The following SGCD variants were observed in gnomAD, a reference collection of about 807,000 sequenced individuals.
SGCD encodes the protein delta-sarcoglycan.
Under a neutral mutation model 36.6 loss-of-function variants are expected in SGCD, and 18 were observed. The ratio of observed to expected loss-of-function variants is 0.49; its 90% confidence interval spans 0.34 to 0.73. The LOEUF is 0.73. Among genes scored for constraint, SGCD ranks in the 30% least tolerant of loss-of-function variants. The pLI, the probability that SGCD is intolerant of heterozygous loss-of-function variation, is 0.01. For missense variants in SGCD, 387 were observed against 346.7 expected, an observed-to-expected ratio of 1.12 and a Z score of -0.92; for synonymous variants, 133 against 130.6, an observed-to-expected ratio of 1.02 and a Z score of -0.12.
chr5:155,960,347 C>G (rs1202371473), intron 1 of SGCD, among the ~76,000 whole-genome samples: 2 of 152,082 alleles, frequency 1.3e-5, no homozygotes, highest in African/African-American at 4.8e-5. Flanking sequence ...ATCTGGGTTG[C>G]TCACCCACAT....
At chr5:156,450,967 GT>G (rs1753983132) in intron 3 of SGCD, among the ~76,000 whole-genome samples, 1 of 152,028 alleles carries the variant, frequency 6.6e-6, no homozygotes, top group Non-Finnish European at 1.5e-5. Flanking sequence ...TGAAAGAAGG[GT>G]TTTATTTTCT....
chr5:155,777,630 A>G, the SGCD span, among the ~76,000 whole-genome samples: 6 of 152,222 alleles, frequency 3.9e-5, no homozygotes, highest in South Asian at 1.2e-3. Context: ...TGCTGGGATT[A>G]CAGTTGGGAG....
At chr5:156,187,237 TG>T (rs1237848362) in intron 3 of SGCD, among the ~76,000 whole-genome samples, 2 of 152,056 alleles carry the variant, frequency 1.3e-5, no homozygotes, top group Non-Finnish European at 2.9e-5. Flanking sequence ...GATGGCTTCA[TG>T]GAGGGCATGG....
chr5:156,249,298 T>C (rs1408675967), intron 3 of SGCD, among the ~76,000 whole-genome samples: 1 of 152,052 alleles, frequency 6.6e-6, no homozygotes, highest in East Asian at 1.9e-4. Flanking sequence ...AGTGAGATAT[T>C]ATGGAAGCTG....
chr5:156,651,292 C>T (rs139167501), intron 7 of SGCD, among the ~76,000 whole-genome samples: 38 of 152,108 alleles, frequency 2.5e-4, no homozygotes, highest in Middle Eastern at 6.8e-3. Context: ...TGTGCAGAAC[C>T]TCTTTAGTTT....
the SGCD span, among the ~76,000 whole-genome samples, chr5:155,769,497 A>T: frequency 2.0e-5 from 3 of 151,750 alleles, no homozygotes; most frequent in African/African-American, 7.3e-5. Flanking sequence ...ATGCCAGAGG[A>T]TACAAGTTCA....
chr5:156,392,325 T>C (rs547826184), intron 3 of SGCD, among the ~76,000 whole-genome samples: 1 of 152,308 alleles, frequency 6.6e-6, no homozygotes, highest in African/African-American at 2.4e-5. Flanking sequence ...ACTGAATACA[T>C]GTGGCAAAAG....
At chr5:155,817,392 T>G in the SGCD span, among the ~76,000 whole-genome samples, 1 of 151,680 alleles carries the variant, frequency 6.6e-6, no homozygotes, top group African/African-American at 2.4e-5. Flanking sequence ...GCAAGGTATC[T>G]AGGAGCCGCT....
At chr5:156,244,690 G>T (rs1430176104) in intron 3 of SGCD, among the ~76,000 whole-genome samples, 1 of 152,180 alleles carries the variant, frequency 6.6e-6, no homozygotes, top group Admixed American at 6.5e-5. Context: ...AGAATCACTT[G>T]GGAAGATTTT....
In SGCD at chr5:156,416,634, T is replaced by C. The variant is rs569234984; in HGVS notation, c.192+71957T>C. ...CCACTGTATGACAAGTCCTGTGTTA[T>C]ATGTTGGGGATGAGTCACTAACTTG... On this transcript the variant is annotated intron_variant, in intron 3 of 8. Coordinates refer to ENST00000337851, the MANE Select transcript of SGCD (RefSeq NM_000337.6). 3.9e-5 allele frequency among the ~76,000 whole-genome samples: 6 copies of C among 152,340 alleles called. No individual in the cohort carries two copies. The South Asian group carries it at 1.2e-3, about 32-fold the overall frequency.
chr5:155,892,873 C>G (rs1756168855), intron 1 of SGCD, among the ~76,000 whole-genome samples: 2 of 152,142 alleles, frequency 1.3e-5, no homozygotes, highest in Non-Finnish European at 2.9e-5. Context: ...GACAAATACG[C>G]ATGATCTCAC....
At chr5:156,111,634 C>CATATGGAGG (rs1761787891) in intron 1 of SGCD, among the ~76,000 whole-genome samples, 2 of 151,346 alleles carry the variant, frequency 1.3e-5, no homozygotes, top group Admixed American at 6.6e-5. Flanking sequence ...TATGAGAGGC[C>CATATGGAGG]CTGATGTGTA....
At chr5:156,750,736 T>G (rs1757121397) in intron 7 of SGCD, among the ~76,000 whole-genome samples, 1 of 151,990 alleles carries the variant, frequency 6.6e-6, no homozygotes, top group African/African-American at 2.4e-5. Context: ...TACAGATAGA[T>G]TATGAAAAAC....
intron 7 of SGCD, among the ~76,000 whole-genome samples, chr5:156,718,805 CA>C (rs34120629): frequency 0.053 from 5,967 of 111,920 alleles, 138 homozygotes; most frequent in Middle Eastern, 0.091. Context: ...CTATTTCTAC[CA>C]AAAAAAAAAA....
At chr5:156,359,344 A>G (rs981842510) in intron 3 of SGCD, among the ~76,000 whole-genome samples, 7 of 152,206 alleles carry the variant, frequency 4.6e-5, no homozygotes. Flanking sequence ...ATTGTCATTA[A>G]TTAATAGGAT....
chr5:156,500,383 T>G (rs147506851), intron 3 of SGCD, among the ~76,000 whole-genome samples: 1 of 152,292 alleles, frequency 6.6e-6, no homozygotes, highest in African/African-American at 2.4e-5. Context: ...TACATTCTAC[T>G]GCAATCTGTA....
intron 1 of SGCD, among the ~76,000 whole-genome samples, chr5:156,112,418 G>T (rs1047241302): frequency 3.3e-5 from 5 of 151,850 alleles, no homozygotes; most frequent in Non-Finnish European, 7.3e-5. Flanking sequence ...GGACTCTGTG[G>T]ATTCTTAAGA....
chr5:156,115,440 G>A (rs1383935507), intron 1 of SGCD, among the ~76,000 whole-genome samples: 1 of 151,952 alleles, frequency 6.6e-6, no homozygotes, highest in African/African-American at 2.4e-5. Flanking sequence ...GGACAGTCTT[G>A]TATTATTACC....
intron 7 of SGCD, among the ~76,000 whole-genome samples, chr5:156,736,220 G>A (rs917986628): frequency 5.9e-5 from 9 of 152,012 alleles, no homozygotes; most frequent in Non-Finnish European, 1.3e-4. Context: ...TGAGAGCCAC[G>A]CATCCTATCT....
Sources: gnomAD v4.1 joint callset for allele counts (sites outside exome capture counted in the v4.1 genomes callset) on GRCh38, gnomAD v4.1.1 for gene constraint, MANE v1.5 for transcripts, NCBI Gene and HGNC (gene_info 2026-07-23, HGNC 2026-07-21) for gene names.